DUSP23: variants seen among roughly 807,000 people sequenced by gnomAD.
DUSP23 encodes dual specificity phosphatase 23.
A neutral mutation model predicts 13.3 loss-of-function variants in DUSP23; 10 were observed. That is an observed-to-expected ratio of 0.75 (90% confidence interval 0.46 to 1.27). The LOEUF is 1.27. Ranked by LOEUF, DUSP23 falls within the 50% of genes most tolerant of loss-of-function variation. The pLI is 0.00. For synonymous variants in DUSP23, 107 were observed against 95.3 expected, an observed-to-expected ratio of 1.12 and a Z score of -0.72; for missense variants, 228 against 204.8, an observed-to-expected ratio of 1.11 and a Z score of -0.69.
chr1:159,782,021 G>A, intron 1 of DUSP23, 132 bp from the exon 2 acceptor site: 9 of 1,020,272 alleles, frequency 8.8e-6, no homozygotes, highest in Non-Finnish European at 1.3e-5. Context: ...TGCAGGGACA[G>A]CCCTCCCTGA....
At chr1:159,781,983 C>G (rs1375241738) in intron 1 of DUSP23, among the ~76,000 whole-genome samples, 170 bp from the exon 2 acceptor site, 1 of 152,162 alleles carries the variant, frequency 6.6e-6, no homozygotes, top group Non-Finnish European at 1.5e-5. Flanking sequence ...CTTGAACCAG[C>G]CAGTGCAGAG....
Position 159,781,165 on chromosome 1 carries a change from C to A in DUSP23, c.65C>A (p.Pro22Gln). The A allele has an allele frequency of 6.5e-7, 1 of 1,549,034 alleles. No homozygotes were observed. Among genetic ancestry groups the A allele is most frequent in the South Asian group, 1.2e-5 (1 of 83,980 alleles). Residue 22 changes from proline to glutamine, a missense_variant, in exon 1 of 2, where the codon CCG becomes CAG. Physicochemically the swap from Pro to Gln is moderately conservative, Grantham distance 76 (BLOSUM62 -1). Coordinates refer to ENST00000368107, the MANE Select transcript of DUSP23 (RefSeq NM_001319658.2). ...GGCCGGCTGGCGGGACTGGCGCTGC[C>A]GCGGCTCCCCGCCCACTACCAGTTC... ...LPGRLAGLAL[P>Q]RLPAHYQFLL...
At position 159,782,441 on chromosome 1, in the gene DUSP23, C is replaced by G; in HGVS notation, c.*103C>G. ...GACTAAAGTATTAAACCCTCTAGCT[C>G]CCATTGGCTGAAGACACTGAAGTAG... On this transcript the variant is annotated 3_prime_UTR_variant, in exon 2 of 2. Coordinates refer to ENST00000368107, the MANE Select transcript of DUSP23 (RefSeq NM_001319658.2). 7.3e-7 allele frequency: 1 copy of G among 1,370,818 alleles called. No individual in the cohort carries two copies. Among genetic ancestry groups the G allele is most frequent in the Non-Finnish European group, 9.9e-7 (1 of 1,006,846 alleles). 84.9% of individuals were successfully genotyped at this position (1,370,818 alleles called of 1,614,324 possible).
chr1:159,781,640 G>A (rs907332178), intron 1 of DUSP23, among the ~76,000 whole-genome samples: 1 of 152,166 alleles, frequency 6.6e-6, no homozygotes, highest in Admixed American at 6.5e-5. Context: ...ACAGACACCT[G>A]GGAGAGGTGG....
rs762808262 is a variant in DUSP23 at position 159,782,144 on chromosome 1, T to A, written c.268-9T>A. 1.9e-6 allele frequency: 3 copies of A among 1,612,798 alleles called. No individual in the cohort carries two copies. In the South Asian group the frequency reaches 3.3e-5, roughly 18 times the overall value. On this transcript the variant is annotated splice_polypyrimidine_tract_variant and intron_variant, in intron 1 of 1. Transcript: ENST00000368107. ...GTTGAGTGGCACCCATCGAGCCCCC[T>A]CTTCGTAGGCTGTGGGAGTGCACTG...
chr1:159,781,545 G>A (rs1024874782), intron 1 of DUSP23, among the ~76,000 whole-genome samples, 178 bp downstream of exon 1: 3 of 152,198 alleles, frequency 2.0e-5, no homozygotes, highest in African/African-American at 7.2e-5. Flanking sequence ...AGGAACTAAA[G>A]AGAGGGCGAA....
chr1:159,782,360 C>T lies in DUSP23; in HGVS notation c.*22C>T, dbSNP rs781663031. On this transcript the variant is annotated 3_prime_UTR_variant, in exon 2 of 2. Coordinates refer to ENST00000368107, the MANE Select transcript of DUSP23 (RefSeq NM_001319658.2). ...ATAAGGGGCCTTAGTACCCTTCTAC[C>T]AGGCCCTCACTCCCCTTCCCCATGT... 4 of 1,610,532 alleles carry T rather than the reference C, an allele frequency of 2.5e-6. No individual in the cohort carries two copies. Among genetic ancestry groups the T allele is most frequent in the Non-Finnish European group, 3.4e-6 (4 of 1,177,436 alleles).
In DUSP23 at chr1:159,781,306, C is replaced by G; in HGVS notation, c.206C>G (p.Pro69Arg). ...CTGCGCATCCCCGACTTCTGCCCGC[C>G]GGCCCCCGACCAGATCGACCGCTTC... ...HRLRIPDFCP[P>R]APDQIDRFVQ... is the part of the protein sequence containing the mutation. Residue 69 changes from proline (P) to arginine (R), a missense_variant, in exon 1 of 2, where the codon CCG becomes CGG. By Grantham distance (103) the Pro-to-Arg change is moderately radical. Transcript: ENST00000368107. 1.3e-6 allele frequency: 2 copies of G among 1,546,618 alleles called. No homozygotes were observed. The highest frequency in any genetic ancestry group is 2.7e-5 in the African/African-American group (2 of 72,900).
At position 159,782,494 on chromosome 1, in the gene DUSP23, AAGGGG is replaced by A; in HGVS notation, c.*160_*164del. 1 of 846,920 alleles carries A rather than the reference AAGGGG, an allele frequency of 1.2e-6. No individual in the cohort carries two copies. Among genetic ancestry groups the A allele is most frequent in the Non-Finnish European group, 1.8e-6 (1 of 553,606 alleles). The allele number at this position is 846,920 out of a possible 1,614,324, so 52.5% of individuals were successfully genotyped here. A position where few individuals can be genotyped will look rare whatever the true frequency, so the allele number is the denominator to read the frequency against. On this transcript the variant is annotated 3_prime_UTR_variant, in exon 2 of 2. Transcript: ENST00000368107. ...CACCCCTGCAGGCAGGTCCTGATTG[AAGGGG>A]AGGCTTGTACTGCTTTGTTGAATAA... is the stretch of plus-strand genomic sequence containing the variant.
At position 159,782,179 on chromosome 1, in the gene DUSP23, C is replaced by G; in HGVS notation, c.294C>G (p.Gly98=). The change falls in exon 2 of 2, where the codon GGC becomes GGG. Residue 98 remains glycine (G), a synonymous_variant. Coordinates refer to ENST00000368107, the MANE Select transcript of DUSP23 (RefSeq NM_001319658.2). ...CTGTGGGAGTGCACTGTGCTCTGGGCTTTGGCCGCACTGGCACCATGCTGG... is the reference window on the plus strand; with the variant it reads ...CTGTGGGAGTGCACTGTGCTCTGGGGTTTGGCCGCACTGGCACCATGCTGG... ...GEAVGVHCAL[G]FGRTGTMLAC... 1.9e-6 allele frequency: 3 copies of G among 1,614,128 alleles called. No homozygotes were observed. In the South Asian group the frequency reaches 3.3e-5, roughly 18 times the overall value.
chr1:159,782,422 A>G lies in DUSP23; in HGVS notation c.*84A>G. ...CCAGAGATGAAGGGAAGTGGACTAA[A>G]GTATTAAACCCTCTAGCTCCCATTG... On this transcript the variant is annotated 3_prime_UTR_variant, in exon 2 of 2. Coordinates refer to ENST00000368107, the MANE Select transcript of DUSP23 (RefSeq NM_001319658.2). The G allele has an allele frequency of 2.7e-6, 4 of 1,487,328 alleles. No homozygotes were observed. The highest frequency in any genetic ancestry group is 3.7e-6 in the Non-Finnish European group (4 of 1,093,568). 92.1% of individuals were successfully genotyped at this position (1,487,328 alleles called of 1,614,324 possible). A position where few individuals can be genotyped will look rare whatever the true frequency, so the allele number is the denominator to read the frequency against.
At chr1:159,781,500 G>A in intron 1 of DUSP23, 133 bp downstream of exon 1, 1 of 1,226,908 alleles carries the variant, frequency 8.2e-7, no homozygotes, top group Non-Finnish European at 1.1e-6. Context: ...CGGGAGACTG[G>A]GAAGCCAGTG....
chr1:159,781,299 T>C lies in DUSP23; in HGVS notation c.199T>C (p.Cys67Arg), dbSNP rs1661861346. The change falls in exon 1 of 2, where the codon TGC (cysteine) becomes CGC (arginine). Residue 67 changes from cysteine to arginine, a missense_variant. Cys to Arg is a radical substitution (Grantham distance 180). Coordinates refer to ENST00000368107, the MANE Select transcript of DUSP23 (RefSeq NM_001319658.2). ...GCACCGCCTGCGCATCCCCGACTTC[T>C]GCCCGCCGGCCCCCGACCAGATCGA... ...TLHRLRIPDF[C>R]PPAPDQIDRF... 8 of 1,546,812 alleles carry C rather than the reference T, an allele frequency of 5.2e-6. No homozygotes were observed. Among genetic ancestry groups the C allele is most frequent in the Non-Finnish European group, 7.0e-6 (8 of 1,145,552 alleles).
At chr1:159,781,515 G>C (rs936575778) in intron 1 of DUSP23, 148 bp downstream of exon 1, 1 of 1,137,312 alleles carries the variant, frequency 8.8e-7, no homozygotes, top group Non-Finnish European at 1.2e-6. Flanking sequence ...CCAGTGCGGG[G>C]GAGGGAAGCG....
Position 159,781,118 on chromosome 1 carries a change from C to T in DUSP23, c.18C>T (p.Pro6=). The change falls in exon 1 of 2, where the codon CCC becomes CCT. Residue 6 remains proline (P), a synonymous_variant. Coordinates refer to ENST00000368107, the MANE Select transcript of DUSP23 (RefSeq NM_001319658.2). The stretch of plus-strand genomic sequence containing the variant: ...TCCCAGCGATGGGCGTGCAGCCCCC[C>T]AACTTCTCCTGGGTGCTTCCGGGCC... MGVQP[P]NFSWVLPGRL... The T allele has an allele frequency of 6.5e-7, 1 of 1,546,690 alleles. No individual in the cohort carries two copies. Among genetic ancestry groups the T allele is most frequent in the Non-Finnish European group, 8.7e-7 (1 of 1,146,422 alleles).
intron 1 of DUSP23, among the ~76,000 whole-genome samples, chr1:159,781,936 A>G (rs1053692222): frequency 3.9e-5 from 6 of 152,104 alleles, no homozygotes; most frequent in African/African-American, 1.4e-4. Flanking sequence ...TCTGTATTGA[A>G]CACCACAGGT....
At position 159,782,171 on chromosome 1, in the gene DUSP23, G is replaced by A. The variant is rs777273088; in HGVS notation, c.286G>A (p.Ala96Thr). The change falls in exon 2 of 2, where the codon GCT becomes ACT. Residue 96 changes from alanine to threonine, a missense_variant. Ala to Thr is a moderately conservative substitution (Grantham distance 58). Transcript: ENST00000368107. ...ARGEAVGVHC[A>T]LGFGRTGTML... ...TTCGTAGGCTGTGGGAGTGCACTGT[G>A]CTCTGGGCTTTGGCCGCACTGGCAC... 4 of 1,614,040 alleles carry A rather than the reference G, an allele frequency of 2.5e-6. No individual in the cohort carries two copies. Among genetic ancestry groups the A allele is most frequent in the Non-Finnish European group, 3.4e-6 (4 of 1,180,046 alleles).
rs369974155 is a variant in DUSP23, at chr1:159,782,162, G to A, written c.277G>A (p.Val93Met). 32 of 1,613,986 alleles carry A rather than the reference G, an allele frequency of 2.0e-5. 1 individual carries two copies. In the Admixed American group the frequency reaches 4.7e-4, roughly 24 times the overall value. Reference protein sequence around the residue: ...EANARGEAVGVHCALGFGRTG... With the variant: ...EANARGEAVGMHCALGFGRTG... Reference sequence around the variant, plus strand: ...AGCCCCCTCTTCGTAGGCTGTGGGAGTGCACTGTGCTCTGGGCTTTGGCCG... The same window carrying A: ...AGCCCCCTCTTCGTAGGCTGTGGGAATGCACTGTGCTCTGGGCTTTGGCCG... Residue 93 changes from valine to methionine, a missense_variant, in exon 2 of 2, where the codon GTG becomes ATG. Val to Met is a conservative substitution (Grantham distance 21). Coordinates refer to ENST00000368107, the MANE Select transcript of DUSP23 (RefSeq NM_001319658.2).
rs1661906873 is a variant in DUSP23, at chr1:159,782,535, C to T, written c.*197C>T. The T allele has an allele frequency of 4.9e-6, 3 of 611,170 alleles. No individual in the cohort carries two copies. The highest frequency in any genetic ancestry group is 2.8e-5 in the East Asian group (1 of 35,242). The allele number at this position is 611,170 out of a possible 1,614,324, so 37.9% of individuals were successfully genotyped here. On this transcript the variant is annotated 3_prime_UTR_variant, in exon 2 of 2. Transcript: ENST00000368107. ...TGCTTTGTTGAATAAATGAGTTTTA[C>T]GAACCAGGGCACGTTGCATGGTACT...
Sources: allele counts gnomAD v4.1 joint callset (sites outside exome capture counted in the v4.1 genomes callset), GRCh38; gene constraint gnomAD v4.1.1; transcripts MANE v1.5; gene names NCBI Gene and HGNC (gene_info 2026-07-23, HGNC 2026-07-21).